LYPLA1: variants seen among roughly 807,000 people sequenced by gnomAD.
The protein encoded by LYPLA1 is acyl-protein thioesterase 1.
LYPLA1 carries 17 observed loss-of-function variants against 34.0 expected under a neutral mutation model. The ratio of observed to expected loss-of-function variants is 0.50; its 90% CI spans 0.34 to 0.75. LYPLA1 has a LOEUF of 0.75. Among genes scored for constraint, LYPLA1 ranks in the 30% least tolerant of loss-of-function variants. The pLI is 0.01. For missense variants in LYPLA1, 203 were observed against 288.8 expected (o/e 0.70, Z 2.15); for synonymous variants, 98 against 100.8 (o/e 0.97, Z 0.17).
intron 2 of LYPLA1, among the ~76,000 whole-genome samples, chr8:54,074,041 C>T (rs1275016156): frequency 2.0e-5 from 3 of 152,050 alleles, no homozygotes; most frequent in Middle Eastern, 3.2e-3. Flanking sequence ...TTGGGGAGGC[C>T]GAGGTGGGCG....
chr8:54,068,593 A>G (rs1387524396), intron 2 of LYPLA1, among the ~76,000 whole-genome samples: 2 of 152,224 alleles, frequency 1.3e-5, no homozygotes, highest in Non-Finnish European at 2.9e-5. Context: ...TCAACAGGGA[A>G]GGAATAGTCT....
chr8:54,101,784 C>A lies in LYPLA1; in HGVS notation c.40G>T (p.Val14Leu), dbSNP rs143494602. The change falls in exon 1 of 9, where the codon GTG (valine) becomes TTG (leucine). Residue 14 changes from valine (V) to leucine (L), a missense_variant. By Grantham distance (32) the Val-to-Leu change is conservative. Coordinates refer to ENST00000316963, the MANE Select transcript of LYPLA1 (RefSeq NM_006330.4). ...NNMSTPLPAIVPAARKATAAV... is the reference protein window; with the variant it reads ...NNMSTPLPAILPAARKATAAV... ...GCGGTGGCCTTCCGGGCGGCGGGCACGATGGCGGGCAGCGGGGTTGACATG... is the reference window on the plus strand; with the variant it reads ...GCGGTGGCCTTCCGGGCGGCGGGCAAGATGGCGGGCAGCGGGGTTGACATG... The A allele has an allele frequency of 6.2e-6, 8 of 1,295,814 alleles. No homozygotes were observed. The highest frequency in any genetic ancestry group is 3.1e-4 in the Middle Eastern group (1 of 3,198). The allele number at this position is 1,295,814 out of a possible 1,614,324, so 80.3% of individuals were successfully genotyped here. A position where few individuals can be genotyped will look rare whatever the true frequency, so the allele number is the denominator to read the frequency against.
At chr8:54,101,457 C>CAG in intron 1 of LYPLA1, 1 of 1,099,414 alleles carries the variant, frequency 9.1e-7, no homozygotes, top group Non-Finnish European at 1.1e-6. Context: ...ACACACCAGG[C>CAG]AGAAACACGC....
At chr8:54,087,528 A>G (rs908366242) in intron 2 of LYPLA1, among the ~76,000 whole-genome samples, 1 of 152,236 alleles carries the variant, frequency 6.6e-6, no homozygotes, top group Non-Finnish European at 1.5e-5. Flanking sequence ...AAAAATCATC[A>G]GGATGAAAAA....
intron 2 of LYPLA1, 65 bp from the exon 3 acceptor site, chr8:54,065,878 G>A: frequency 1.0e-6 from 1 of 990,172 alleles, no homozygotes. Flanking sequence ...GTAAGTAGCA[G>A]AAGAGTAGCT....
At chr8:54,069,663 TTG>T (rs1807323679) in intron 2 of LYPLA1, among the ~76,000 whole-genome samples, 1 of 151,760 alleles carries the variant, frequency 6.6e-6, no homozygotes, top group Admixed American at 6.6e-5. Context: ...TGAGCTGAGA[TTG>T]TGCCACTCCA....
intron 5 of LYPLA1, among the ~76,000 whole-genome samples, chr8:54,058,667 T>C (rs1352093614): frequency 1.3e-5 from 2 of 151,892 alleles, no homozygotes; most frequent in African/African-American, 4.8e-5. Context: ...TGCTGACCTC[T>C]CAGGCTCAAG....
At chr8:54,090,153 C>T (rs540638644) in intron 2 of LYPLA1, among the ~76,000 whole-genome samples, 58 of 152,184 alleles carry the variant, frequency 3.8e-4, no homozygotes, top group African/African-American at 2.9e-4. Flanking sequence ...TATAAACGGA[C>T]GCATTGGGGG....
intron 1 of LYPLA1, 150 bp downstream of exon 1, chr8:54,101,605 G>C (rs1586198025): frequency 8.7e-7 from 1 of 1,150,608 alleles, no homozygotes; most frequent in East Asian, 4.0e-5. Context: ...CCGCGGACCC[G>C]GCCGCGCGGA....
At chr8:54,085,505 C>T (rs1461864055) in intron 2 of LYPLA1, among the ~76,000 whole-genome samples, 1 of 151,390 alleles carries the variant, frequency 6.6e-6, no homozygotes, top group Non-Finnish European at 1.5e-5. Context: ...GCACCTCTTC[C>T]CGGCCGTCAT....
chr8:54,069,960 G>A (rs1041593795), intron 2 of LYPLA1, among the ~76,000 whole-genome samples: 1 of 152,118 alleles, frequency 6.6e-6, no homozygotes, highest in African/African-American at 2.4e-5. Context: ...CATACCTACC[G>A]GAATGGTTAT....
rs1586139389 is a variant in LYPLA1 at position 54,077,450 on chromosome 8, G to A, written c.102-11637C>T. 3.3e-5 allele frequency among the ~76,000 whole-genome samples: 5 copies of A among 152,254 alleles called. 1 individual carries two copies. Among genetic ancestry groups the A allele is most frequent in the Admixed American group, 3.3e-4 (5 of 15,286 alleles). Reference sequence around the variant, plus strand: ...GTACATCAAACCCTCAGAACATGCAGTTTACCTTGCAGATGTACTCCTGAA... The same window carrying A: ...GTACATCAAACCCTCAGAACATGCAATTTACCTTGCAGATGTACTCCTGAA... On this transcript the variant is annotated intron_variant, in intron 2 of 8. Transcript: ENST00000316963.
chr8:54,073,255 C>A (rs1807629339), intron 2 of LYPLA1: 15 of 873,802 alleles, frequency 1.7e-5, no homozygotes, highest in Middle Eastern at 6.3e-4. Flanking sequence ...AACCTGCTGT[C>A]TGAATGGGGG....
chr8:54,065,963 G>A (rs949336324), intron 2 of LYPLA1, 150 bp from the exon 3 acceptor site: 13 of 610,358 alleles, frequency 2.1e-5, no homozygotes, highest in Middle Eastern at 3.4e-4. Context: ...TTGAGATGGC[G>A]TCTCGCTCTG....
intron 8 of LYPLA1, 73 bp from the exon 9 acceptor site, chr8:54,048,191 C>T: frequency 1.1e-6 from 1 of 885,918 alleles, no homozygotes; most frequent in African/African-American, 1.6e-5. Context: ...TAAAATGCCA[C>T]TAATCAAATC....
At chr8:54,060,431 G>T (rs1806519424) in intron 5 of LYPLA1, among the ~76,000 whole-genome samples, 1 of 151,710 alleles carries the variant, frequency 6.6e-6, no homozygotes, top group Non-Finnish European at 1.5e-5. Flanking sequence ...GGCCTCCTGT[G>T]CATTTGTTAA....
At position 54,071,458 on chromosome 8, in the gene LYPLA1, C is replaced by A. The variant is rs117331085; in HGVS notation, c.102-5645G>T. Among the ~76,000 whole-genome samples, 466 of 152,210 alleles carry A rather than the reference C, an allele frequency of 3.1e-3. 2 individuals are homozygous for A. Among genetic ancestry groups the A allele is most frequent in the Non-Finnish European group, 5.6e-3 (380 of 68,020 alleles). On this transcript the variant is annotated intron_variant, in intron 2 of 8. Coordinates refer to ENST00000316963, the MANE Select transcript of LYPLA1 (RefSeq NM_006330.4). ...TTATCTCAAGAGTTAAAAAAAGACT[C>A]ATCTATATATACGTACATATATATA... is the stretch of plus-strand genomic sequence containing the variant.
At chr8:54,076,173 T>C (rs1018406304) in intron 2 of LYPLA1, among the ~76,000 whole-genome samples, 7 of 152,002 alleles carry the variant, frequency 4.6e-5, no homozygotes, top group African/African-American at 1.7e-4. Context: ...GATCAAAATT[T>C]GGGAAAGAAT....
intron 5 of LYPLA1, among the ~76,000 whole-genome samples, chr8:54,060,054 T>C (rs1030959874): frequency 6.6e-6 from 1 of 152,230 alleles, no homozygotes; most frequent in African/African-American, 2.4e-5. Flanking sequence ...AGTCCTCACA[T>C]TATTATACTT....
Sources: gnomAD v4.1 joint callset for allele counts (sites outside exome capture counted in the v4.1 genomes callset) on GRCh38, gnomAD v4.1.1 for gene constraint, MANE v1.5 for transcripts, NCBI Gene and HGNC (gene_info 2026-07-23, HGNC 2026-07-21) for gene names.